Variants in KCNAB1 observed in about 807,000 individuals in gnomAD.
KCNAB1 encodes the protein potassium voltage-gated channel subfamily A regulatory beta subunit 1.
A neutral mutation model predicts 64.6 loss-of-function variants in KCNAB1; 35 were observed. The ratio of observed to expected loss-of-function variants is 0.54; its 90% confidence interval spans 0.41 to 0.72. The LOEUF is 0.72. Ranked by LOEUF, KCNAB1 falls within the 30% of genes least tolerant of loss-of-function variation. The pLI is 0.00. For synonymous variants in KCNAB1, 177 were observed against 183.8 expected, an observed-to-expected ratio of 0.96 and a Z score of 0.30; for missense variants, 401 against 512.9, an observed-to-expected ratio of 0.78 and a Z score of 2.11.
intron 1 of KCNAB1, among the ~76,000 whole-genome samples, chr3:156,366,629 T>C (rs1725962328): frequency 6.6e-6 from 1 of 152,212 alleles, no homozygotes; most frequent in Non-Finnish European, 1.5e-5. Context: ...AAATCAGGAA[T>C]TGAGAATTTC....
At chr3:156,396,646 T>C (rs1157012762) in intron 1 of KCNAB1, among the ~76,000 whole-genome samples, 1 of 152,248 alleles carries the variant, frequency 6.6e-6, no homozygotes, top group African/African-American at 2.4e-5. Context: ...ATACACTGTT[T>C]AATAAAGCCT....
intron 1 of KCNAB1, chr3:156,291,412 C>T: frequency 1.0e-6 from 1 of 999,592 alleles, no homozygotes; most frequent in Non-Finnish European, 1.2e-6. Flanking sequence ...GTTGAGCATC[C>T]TGCCTGTGGT....
chr3:156,485,393 T>G (rs1715130726), intron 8 of KCNAB1, among the ~76,000 whole-genome samples: 1 of 152,118 alleles, frequency 6.6e-6, no homozygotes, highest in African/African-American at 2.4e-5. Flanking sequence ...ATTGTGACAT[T>G]TCATTCATAA....
intron 2 of KCNAB1, among the ~76,000 whole-genome samples, chr3:156,427,105 A>G (rs1008389722): frequency 4.6e-5 from 7 of 152,168 alleles, no homozygotes; most frequent in Non-Finnish European, 2.9e-5. Context: ...GATACAGAAT[A>G]GGAGGTCTTC....
At chr3:156,511,468 A>G (rs1300308258) in intron 8 of KCNAB1, among the ~76,000 whole-genome samples, 1 of 151,928 alleles carries the variant, frequency 6.6e-6, no homozygotes, top group African/African-American at 2.4e-5. Context: ...AGAACCCTCG[A>G]TTTTTCTCCC....
intron 1 of KCNAB1, among the ~76,000 whole-genome samples, chr3:156,283,136 C>T (rs1470971108): frequency 6.6e-6 from 1 of 151,878 alleles, no homozygotes; most frequent in African/African-American, 2.4e-5. Context: ...GTGCTTCCTT[C>T]AGGAGCTCTT....
chr3:156,337,637 T>G (rs1723802650), intron 1 of KCNAB1, among the ~76,000 whole-genome samples: 1 of 152,180 alleles, frequency 6.6e-6, no homozygotes, highest in African/African-American at 2.4e-5. Flanking sequence ...TTCTGGAACC[T>G]TAAAGGAAAT....
At chr3:156,127,469 T>C (rs1713725270) in intron 1 of KCNAB1, among the ~76,000 whole-genome samples, 1 of 152,368 alleles carries the variant, frequency 6.6e-6, no homozygotes, top group South Asian at 2.1e-4. Context: ...TTTAGTTATA[T>C]GCTAGAAAGA....
At position 156,474,809 on chromosome 3, in the gene KCNAB1, C is replaced by G. The variant is rs746326557; in HGVS notation, c.647C>G (p.Thr216Ser). 6.1e-5 allele frequency: 98 copies of G among 1,611,996 alleles called. No homozygotes were observed. Among genetic ancestry groups the G allele is most frequent in the Non-Finnish European group, 8.0e-5 (94 of 1,178,408 alleles). ...TTTGCAAATCGACCGGACAGTAACA[C>G]TCCCATGGAAGGTAAGTTAAGAAAG... is the stretch of plus-strand genomic sequence containing the variant. ...VVFANRPDSN[T>S]PMEEIVRAMT... The change falls in exon 8 of 14, where the codon ACT (threonine) becomes AGT (serine). Residue 216 changes from threonine to serine, a missense_variant. Coordinates refer to ENST00000490337, the MANE Select transcript of KCNAB1 (RefSeq NM_172160.3).
intron 7 of KCNAB1, among the ~76,000 whole-genome samples, chr3:156,470,826 A>G (rs1366541858): frequency 6.6e-6 from 1 of 152,248 alleles, no homozygotes; most frequent in African/African-American, 2.4e-5. Flanking sequence ...TAAAGAATAC[A>G]TTTCTGAACA....
chr3:156,479,529 A>G (rs1217350194), intron 8 of KCNAB1, among the ~76,000 whole-genome samples: 1 of 152,150 alleles, frequency 6.6e-6, no homozygotes, highest in Non-Finnish European at 1.5e-5. Flanking sequence ...AACTGTGGTC[A>G]TGAAAGGAAG....
intron 1 of KCNAB1, among the ~76,000 whole-genome samples, chr3:156,283,126 G>T (rs1443624144): frequency 2.4e-4 from 36 of 151,876 alleles, no homozygotes; most frequent in Admixed American, 3.9e-4. Context: ...TCCATGTTTA[G>T]TGCTTCCTTC....
At chr3:156,476,945 C>G (rs1045390340) in intron 8 of KCNAB1, among the ~76,000 whole-genome samples, 2 of 152,066 alleles carry the variant, frequency 1.3e-5, no homozygotes, top group Non-Finnish European at 2.9e-5. Flanking sequence ...GCAGTTATAC[C>G]ATGTACAGGA....
At chr3:156,363,383 G>T (rs537044219) in intron 1 of KCNAB1, among the ~76,000 whole-genome samples, 1 of 151,910 alleles carries the variant, frequency 6.6e-6, no homozygotes, top group Non-Finnish European at 1.5e-5. Flanking sequence ...AGCATTTATC[G>T]TACTCATTCA....
At chr3:156,534,352 C>A (rs1718903204) in intron 13 of KCNAB1, among the ~76,000 whole-genome samples, 1 of 152,150 alleles carries the variant, frequency 6.6e-6, no homozygotes, top group Non-Finnish European at 1.5e-5. Context: ...ATGGGAGAGA[C>A]AGGAGGAGAA....
At chr3:156,463,967 T>A (rs1425720893) in intron 6 of KCNAB1, among the ~76,000 whole-genome samples, 1 of 152,188 alleles carries the variant, frequency 6.6e-6, no homozygotes, top group Non-Finnish European at 1.5e-5. Flanking sequence ...ATGTGGTCAC[T>A]TGTTACTAAG....
chr3:156,317,058 C>A (rs1370157505), intron 1 of KCNAB1, among the ~76,000 whole-genome samples: 2 of 152,158 alleles, frequency 1.3e-5, no homozygotes, highest in East Asian at 1.9e-4. Flanking sequence ...AATGATTCTT[C>A]TTATTATTAT....
intron 1 of KCNAB1, among the ~76,000 whole-genome samples, chr3:156,266,271 A>C (rs1718701486): frequency 1.3e-5 from 2 of 152,176 alleles, no homozygotes; most frequent in Admixed American, 6.5e-5. Context: ...CTATAGAACT[A>C]TGTAAAATCA....
chr3:156,395,852 A>G (rs958553659), intron 1 of KCNAB1, among the ~76,000 whole-genome samples: 5 of 152,200 alleles, frequency 3.3e-5, no homozygotes, highest in Non-Finnish European at 5.9e-5. Context: ...GTGAAGAGAC[A>G]GATTCCTCCA....
Sources: gnomAD v4.1 joint callset for allele counts (sites outside exome capture counted in the v4.1 genomes callset) on GRCh38, gnomAD v4.1.1 for gene constraint, MANE v1.5 for transcripts, NCBI Gene and HGNC (gene_info 2026-07-23, HGNC 2026-07-21) for gene names.